The following PTPRT variants were observed in gnomAD, a reference collection of about 807,000 sequenced individuals.
The protein encoded by PTPRT is protein tyrosine phosphatase receptor type T.
A neutral mutation model predicts 176.8 loss-of-function variants in PTPRT; 56 were observed. The ratio of observed to expected loss-of-function variants is 0.32; its 90% CI spans 0.26 to 0.40. PTPRT has a LOEUF of 0.40. Among genes scored for constraint, PTPRT ranks in the 10% least tolerant of loss-of-function variants. The probability of loss-of-function intolerance (pLI) is 1.00; values close to 1 mark genes in which losing one functional copy is unlikely to be tolerated. For synonymous variants in PTPRT, 783 were observed against 739.0 expected (o/e 1.06, Z -0.96); for missense variants, 1,540 against 1,908.2 (o/e 0.81, Z 3.60).
intron 13 of PTPRT, among the ~76,000 whole-genome samples, chr20:42,251,417 C>T (rs1167990053): frequency 1.3e-5 from 2 of 152,160 alleles, no homozygotes; most frequent in African/African-American, 2.4e-5. Context: ...GGAACAGTTC[C>T]TGCTCTCAAA....
At chr20:42,108,334 T>C (rs933944485) in intron 23 of PTPRT, among the ~76,000 whole-genome samples, 19 of 152,324 alleles carry the variant, frequency 1.2e-4, no homozygotes, top group South Asian at 2.1e-4. Context: ...CTATTACTTA[T>C]TAGCTGCATG....
intron 16 of PTPRT, among the ~76,000 whole-genome samples, chr20:42,176,829 T>G (rs1990311318): frequency 6.6e-6 from 1 of 152,236 alleles, no homozygotes; most frequent in Non-Finnish European, 1.5e-5. Context: ...TAAACTTGTC[T>G]GAAAGATGAA....
intron 30 of PTPRT, among the ~76,000 whole-genome samples, chr20:42,081,135 G>A (rs554357350): frequency 2.0e-5 from 3 of 152,166 alleles, no homozygotes; most frequent in South Asian, 4.2e-4. Flanking sequence ...AAGCTTCCTC[G>A]AATGCCCAGC....
chr20:42,558,122 T>C (rs888696401), intron 7 of PTPRT, among the ~76,000 whole-genome samples: 2 of 152,152 alleles, frequency 1.3e-5, no homozygotes, highest in Non-Finnish European at 2.9e-5. Context: ...ATATTTTTCC[T>C]GATCATCTCC....
intron 1 of PTPRT, among the ~76,000 whole-genome samples, chr20:43,096,079 C>A (rs1600710073): frequency 7.9e-6 from 1 of 126,650 alleles, no homozygotes; most frequent in Non-Finnish European, 1.7e-5. Context: ...CTCTCTCCCT[C>A]TCTCCCTTCT....
chr20:42,957,381 G>A (rs1316645107), intron 1 of PTPRT, among the ~76,000 whole-genome samples: 1 of 152,164 alleles, frequency 6.6e-6, no homozygotes, highest in Non-Finnish European at 1.5e-5. Flanking sequence ...TAAAGTAAAT[G>A]TATTTTTAAT....
intron 1 of PTPRT, among the ~76,000 whole-genome samples, chr20:43,081,755 T>C (rs182205296): frequency 6.6e-6 from 1 of 152,176 alleles, no homozygotes; most frequent in Non-Finnish European, 1.5e-5. Flanking sequence ...CAAAATAACA[T>C]GCATTTAGTG....
intron 1 of PTPRT, among the ~76,000 whole-genome samples, chr20:42,886,720 G>A (rs991413648): frequency 3.9e-5 from 6 of 152,234 alleles, no homozygotes; most frequent in African/African-American, 1.2e-4. Context: ...CTGAGCATAC[G>A]CTCTGAGCTG....
At chr20:42,663,578 C>T (rs1270157309) in intron 7 of PTPRT, among the ~76,000 whole-genome samples, 1 of 152,054 alleles carries the variant, frequency 6.6e-6, no homozygotes, top group Non-Finnish European at 1.5e-5. Flanking sequence ...CTCATGTGCT[C>T]TTTTTGAAAT....
intron 7 of PTPRT, among the ~76,000 whole-genome samples, chr20:42,646,133 C>T (rs1394722039): frequency 6.6e-6 from 1 of 151,928 alleles, no homozygotes; most frequent in African/African-American, 2.4e-5. Context: ...AGCATCCCAC[C>T]CACCCTTCCC....
intron 9 of PTPRT, among the ~76,000 whole-genome samples, chr20:42,384,278 A>T (rs1359187353): frequency 6.6e-6 from 1 of 152,224 alleles, no homozygotes; most frequent in Non-Finnish European, 1.5e-5. Context: ...TTCTTAAATA[A>T]CCACTGTGTC....
chr20:42,797,538 CA>C, intron 2 of PTPRT, among the ~76,000 whole-genome samples: 1 of 150,944 alleles, frequency 6.6e-6, no homozygotes, highest in Non-Finnish European at 1.5e-5. Context: ...CTATCTCTCC[CA>C]CCCTCCCCCG....
intron 7 of PTPRT, among the ~76,000 whole-genome samples, chr20:42,639,552 G>A (rs1449372413): frequency 6.6e-6 from 1 of 152,048 alleles, no homozygotes; most frequent in African/African-American, 2.4e-5. Flanking sequence ...GGGGACACAG[G>A]AGGGTACATT....
intron 6 of PTPRT, among the ~76,000 whole-genome samples, chr20:42,682,867 T>G (rs1048041535): frequency 1.3e-5 from 2 of 152,232 alleles, no homozygotes; most frequent in Non-Finnish European, 2.9e-5. Flanking sequence ...CTGTGAGCAC[T>G]TGTAACAGTT....
chr20:42,742,066 C>A (rs2076619295), intron 6 of PTPRT, among the ~76,000 whole-genome samples: 1 of 152,124 alleles, frequency 6.6e-6, no homozygotes, highest in Non-Finnish European at 1.5e-5. Flanking sequence ...AGAAGAAAAG[C>A]CACAGAGATG....
chr20:43,018,893 T>G (rs773997731), intron 1 of PTPRT, among the ~76,000 whole-genome samples: 2 of 152,218 alleles, frequency 1.3e-5, no homozygotes, highest in Admixed American at 1.3e-4. Context: ...AGAATGGATA[T>G]TGTTACAGCC....
chr20:42,167,828 A>T (rs1288301293), intron 16 of PTPRT, among the ~76,000 whole-genome samples: 1 of 152,224 alleles, frequency 6.6e-6, no homozygotes, highest in Non-Finnish European at 1.5e-5. Flanking sequence ...TAGGACCTCA[A>T]ATAAGTTACA....
intron 2 of PTPRT, among the ~76,000 whole-genome samples, chr20:42,806,086 C>T (rs1344084897): frequency 1.3e-5 from 2 of 151,826 alleles, no homozygotes; most frequent in Non-Finnish European, 1.5e-5. Context: ...GAGCCACACC[C>T]CTGCAGTCAA....
Position 42,566,437 on chromosome 20 carries a change from C to T in PTPRT, c.1154-93875G>A, listed in dbSNP as rs115125044. On this transcript the variant is annotated intron_variant, in intron 7 of 30. Transcript: ENST00000373187. Reference sequence around the variant, plus strand: ...AGGCACCGCAGCCAGCTGACTTTAACGTTTTTAAGAGGAGCTTTAGGTTCA... The same window carrying T: ...AGGCACCGCAGCCAGCTGACTTTAATGTTTTTAAGAGGAGCTTTAGGTTCA... 3.2e-3 allele frequency among the ~76,000 whole-genome samples: 489 copies of T among 152,254 alleles called. 2 individuals are homozygous for T. The highest frequency in any genetic ancestry group is 0.011 in the African/African-American group (468 of 41,540).
Sources: gnomAD v4.1 joint callset for allele counts (sites outside exome capture counted in the v4.1 genomes callset) on GRCh38, gnomAD v4.1.1 for gene constraint, MANE v1.5 for transcripts, NCBI Gene and HGNC (gene_info 2026-07-23, HGNC 2026-07-21) for gene names.